RPS6KA1: variants seen among roughly 807,000 people sequenced by gnomAD.
The protein encoded by RPS6KA1 is ribosomal protein S6 kinase alpha-1.
Under a neutral mutation model 91.3 loss-of-function variants are expected in RPS6KA1, and 48 were observed. The ratio of observed to expected loss-of-function variants is 0.53; its 90% confidence interval spans 0.42 to 0.67. RPS6KA1 has a LOEUF of 0.67. Among genes scored for constraint, RPS6KA1 ranks in the 30% least tolerant of loss-of-function variants. The probability of loss-of-function intolerance (pLI) is 0.00; values close to 1 mark genes in which losing one functional copy is unlikely to be tolerated. For missense variants in RPS6KA1, 719 were observed against 960.5 expected, an observed-to-expected ratio of 0.75 and a Z score of 3.32; for synonymous variants, 359 against 384.7, an observed-to-expected ratio of 0.93 and a Z score of 0.78.
chr1:26,556,877 A>G, intron 12 of RPS6KA1, 121 bp from the exon 13 acceptor site: 1 of 1,159,798 alleles, frequency 8.6e-7, no homozygotes, highest in South Asian at 1.3e-5. Flanking sequence ...CCTGAGGGCA[A>G]GCAATTCCGA....
At chr1:26,573,973 A>C in intron 21 of RPS6KA1, 106 bp from the exon 22 acceptor site, 1 of 1,321,958 alleles carries the variant, frequency 7.6e-7, no homozygotes, top group Non-Finnish European at 1.0e-6. Context: ...AACCAAAAAA[A>C]GTGGGCTGTG....
At chr1:26,552,920 G>C in intron 6 of RPS6KA1, 1 of 337,082 alleles carries the variant, frequency 3.0e-6, no homozygotes, top group Non-Finnish European at 5.8e-6. Context: ...TTGGTTTCTT[G>C]TTTAACTTTC....
rs776491344 is a variant in RPS6KA1, at chr1:26,551,365, G to A, written c.308-32G>A. The A allele has an allele frequency of 6.3e-6, 10 of 1,599,542 alleles. No individual in the cohort carries two copies. Among genetic ancestry groups the A allele is most frequent in the Non-Finnish European group, 8.6e-7 (1 of 1,167,108 alleles). On this transcript the variant is annotated intron_variant, in intron 4 of 21. Transcript: ENST00000374168. This position sits in a 1 kb window ranked among gnomAD's most constrained non-coding sequence, Gnocchi z 4.5. ...GGGAGTGGCTGTGTTGAGTGTCTAG[G>A]CTACTGGTGACTTCCTTTCTCGTCT...
chr1:26,545,111 C>A (rs958478517), intron 2 of RPS6KA1, among the ~76,000 whole-genome samples: 1 of 151,072 alleles, frequency 6.6e-6, no homozygotes, highest in African/African-American at 2.4e-5. Flanking sequence ...ATCCTCCATC[C>A]CTGCCTGTTG....
In RPS6KA1 at chr1:26,574,057, G is replaced by C. The variant is rs200497809; in HGVS notation, c.2086-22G>C. The C allele has an allele frequency of 1.1e-4, 179 of 1,611,020 alleles. No individual in the cohort carries two copies. The highest frequency in any genetic ancestry group is 1.4e-4 in the Non-Finnish European group (170 of 1,177,820). ...GCTACATCTCCCACCATTGTGACCT[G>C]ACCTCCCCACTTCTCTTTCAGGGAG... On this transcript the variant is annotated intron_variant, in intron 21 of 21. Transcript: ENST00000374168. The surrounding 1 kb of genome is among the most constrained non-coding windows in gnomAD (Gnocchi z 4.3).
chr1:26,544,503 C>G (rs2075975019), intron 2 of RPS6KA1, among the ~76,000 whole-genome samples: 1 of 150,916 alleles, frequency 6.6e-6, no homozygotes, highest in South Asian at 2.1e-4. Context: ...GAAACGGAGT[C>G]TCACTTTGTC....
Position 26,554,788 on chromosome 1 carries a change from G to T in RPS6KA1, c.756+50G>T. The T allele has an allele frequency of 5.1e-6, 8 of 1,558,788 alleles. No homozygotes were observed. The highest frequency in any genetic ancestry group is 7.0e-6 in the Non-Finnish European group (8 of 1,146,762). On this transcript the variant is annotated intron_variant, in intron 9 of 21. Coordinates refer to ENST00000374168, the MANE Select transcript of RPS6KA1 (RefSeq NM_002953.4). The surrounding 1 kb of genome is among the most constrained non-coding windows in gnomAD (Gnocchi z 4.6). ...GATCCAGCCCAAGCCTCTGGCCTCA[G>T]TCTCCCTATCTGTACAGTGAGGGGG... is the stretch of plus-strand genomic sequence containing the variant.
chr1:26,558,743 T>C lies in RPS6KA1; in HGVS notation c.1085-64T>C. 6.5e-7 allele frequency: 1 copy of C among 1,546,450 alleles called. No homozygotes were observed. Among genetic ancestry groups the C allele is most frequent in the Non-Finnish European group, 8.8e-7 (1 of 1,137,878 alleles). ...TGGAGGCCCTGTGCTCCCCCTTTGCTGGGCTGCCTCAGGGTCGAGGGGACC... is the reference window on the plus strand; with the variant it reads ...TGGAGGCCCTGTGCTCCCCCTTTGCCGGGCTGCCTCAGGGTCGAGGGGACC... On this transcript the variant is annotated intron_variant, in intron 13 of 21. Transcript: ENST00000374168. This position sits in a 1 kb window ranked among gnomAD's most constrained non-coding sequence, Gnocchi z 4.0.
At chr1:26,572,050 C>A in intron 19 of RPS6KA1, 125 bp downstream of exon 19, 2 of 1,301,472 alleles carry the variant, frequency 1.5e-6, no homozygotes, top group Non-Finnish European at 1.1e-6. Context: ...TAGGGACATG[C>A]TCCTGCCTCC....
In RPS6KA1 at chr1:26,561,526, G is replaced by C; in HGVS notation, c.1453G>C (p.Val485Leu). ...LKDVYDDGKHVYLVTELMRGG... is the reference protein window; with the variant it reads ...LKDVYDDGKHLYLVTELMRGG... ...GCAGGTGTATGATGATGGCAAACAC[G>C]TGTACCTGGTGACAGAGCTGATGCG... Residue 485 changes from valine to leucine, a missense_variant, in exon 17 of 22, where the codon GTG (valine) becomes CTG (leucine). This residue lies in a region of RPS6KA1 where 249 missense variants were observed against 323.1 expected (regional missense o/e 0.77). Transcript: ENST00000374168. This position sits in a 1 kb window ranked among gnomAD's most constrained non-coding sequence, Gnocchi z 5.7. The C allele has an allele frequency of 1.9e-6, 3 of 1,614,144 alleles. No individual in the cohort carries two copies. The South Asian group carries it at 3.3e-5, about 18-fold the overall frequency.
chr1:26,529,998 C>T lies in RPS6KA1; in HGVS notation c.63+15C>T. 1.5e-6 allele frequency: 2 copies of T among 1,343,318 alleles called. No homozygotes were observed. Among genetic ancestry groups the T allele is most frequent in the Non-Finnish European group, 9.6e-7 (1 of 1,045,826 alleles). The allele number at this position is 1,343,318 out of a possible 1,614,324, so 83.2% of individuals were successfully genotyped here. On this transcript the variant is annotated intron_variant, in intron 1 of 21. Coordinates refer to ENST00000374168, the MANE Select transcript of RPS6KA1 (RefSeq NM_002953.4). The surrounding 1 kb of genome is among the most constrained non-coding windows in gnomAD (Gnocchi z 4.2). ...TGGACCCGGAGGTGAGTGAGCGGGG[C>T]GGGGGACGGGCGCCCGCGGCCGGCG...
rs1487274077 is a variant in RPS6KA1 at position 26,561,289 on chromosome 1, A to G, written c.1431+155A>G. Among the ~76,000 whole-genome samples the G allele has an allele frequency of 6.6e-6, 1 of 151,980 alleles. No homozygotes were observed. Among genetic ancestry groups the G allele is most frequent in the Admixed American group, 6.6e-5 (1 of 15,266 alleles). On this transcript the variant is annotated intron_variant, in intron 16 of 21. Coordinates refer to ENST00000374168, the MANE Select transcript of RPS6KA1 (RefSeq NM_002953.4). The surrounding 1 kb of genome is among the most constrained non-coding windows in gnomAD (Gnocchi z 5.7). The stretch of plus-strand genomic sequence containing the variant: ...GTCCCTTCAGTCTGCCCATACCCCA[A>G]GGGCCCTCCTTCAGACTCAGACATT...
At chr1:26,533,852 G>A (rs1185008539) in intron 1 of RPS6KA1, among the ~76,000 whole-genome samples, 1 of 152,104 alleles carries the variant, frequency 6.6e-6, no homozygotes, top group Non-Finnish European at 1.5e-5. Flanking sequence ...AGGCCAGAGG[G>A]GCAGATGACC....
At chr1:26,546,703 G>A (rs549852645) in intron 2 of RPS6KA1, among the ~76,000 whole-genome samples, 164 bp from the exon 3 acceptor site, 3 of 152,320 alleles carry the variant, frequency 2.0e-5, no homozygotes, top group South Asian at 4.1e-4. Context: ...AGACTTTGAG[G>A]CTCTTTTGAA....
At chr1:26,564,636 C>T (rs2076183455) in intron 17 of RPS6KA1, among the ~76,000 whole-genome samples, 1 of 152,160 alleles carries the variant, frequency 6.6e-6, no homozygotes, top group African/African-American at 2.4e-5. Flanking sequence ...ATGGTTTCAT[C>T]CTTTCAGAAT....
Position 26,547,110 on chromosome 1 carries a change from G to T in RPS6KA1, c.226-79G>T, listed in dbSNP as rs1311498058. ...CCAGGGAGAGCAAAAAGGTCAGCTT[G>T]GGGCTCAGAGAAGATAGAGGTCAGC... On this transcript the variant is annotated intron_variant, in intron 3 of 21. Coordinates refer to ENST00000374168, the MANE Select transcript of RPS6KA1 (RefSeq NM_002953.4). This position sits in a 1 kb window ranked among gnomAD's most constrained non-coding sequence, Gnocchi z 4.1. 11 of 1,560,886 alleles carry T rather than the reference G, an allele frequency of 7.0e-6. No homozygotes were observed. Among genetic ancestry groups the T allele is most frequent in the Non-Finnish European group, 9.7e-6 (11 of 1,132,988 alleles).
In RPS6KA1 at chr1:26,558,932, G is replaced by A. The variant is rs758764453; in HGVS notation, c.1210G>A (p.Val404Ile). 4 of 1,611,486 alleles carry A rather than the reference G, an allele frequency of 2.5e-6. No individual in the cohort carries two copies. The highest frequency in any genetic ancestry group is 3.4e-6 in the Non-Finnish European group (4 of 1,178,080). Reference sequence around the variant, plus strand: ...CCCGCAGGCACCCCTGCACTCGGTGGTACAGGTGAGGGGGGCAGGGGGCTG... The same window carrying A: ...CCCGCAGGCACCCCTGCACTCGGTGATACAGGTGAGGGGGGCAGGGGGCTG... The part of the protein sequence containing the change: ...RAPQAPLHSV[V>I]QQLHGKNLVF... Residue 404 changes from valine to isoleucine, a missense_variant, in exon 14 of 22, where the codon GTA becomes ATA. By Grantham distance (29) the Val-to-Ile change is conservative. Coordinates refer to ENST00000374168, the MANE Select transcript of RPS6KA1 (RefSeq NM_002953.4). The surrounding 1 kb of genome is among the most constrained non-coding windows in gnomAD (Gnocchi z 4.0).
At position 26,566,781 on chromosome 1, in the gene RPS6KA1, C is replaced by T. The variant is rs554330772; in HGVS notation, c.1591-4668C>T. Among the ~76,000 whole-genome samples the T allele has an allele frequency of 2.6e-4, 40 of 152,212 alleles. 1 individual carries two copies. The South Asian group carries it at 7.7e-3, about 29-fold the overall frequency. The stretch of plus-strand genomic sequence containing the variant: ...TTTAATATGTGGAGTCTTCTTAAGT[C>T]GCCAGGCTCCCTCTGTGTTGTTTCT... On this transcript the variant is annotated intron_variant, in intron 17 of 21. Coordinates refer to ENST00000374168, the MANE Select transcript of RPS6KA1 (RefSeq NM_002953.4).
chr1:26,558,623 G>A lies in RPS6KA1; in HGVS notation c.1085-184G>A, dbSNP rs2076126088. Among the ~76,000 whole-genome samples the A allele has an allele frequency of 6.6e-6, 1 of 152,206 alleles. No homozygotes were observed. The highest frequency in any genetic ancestry group is 2.4e-5 in the African/African-American group (1 of 41,444). Reference sequence around the variant, plus strand: ...TTTGTTCCTCATGCGACAGGACTGGGCTGGTCTAATAAACACATATGAGCA... The same window carrying A: ...TTTGTTCCTCATGCGACAGGACTGGACTGGTCTAATAAACACATATGAGCA... On this transcript the variant is annotated intron_variant, in intron 13 of 21. Transcript: ENST00000374168. The surrounding 1 kb of genome is among the most constrained non-coding windows in gnomAD (Gnocchi z 4.0).
Sources: allele counts gnomAD v4.1 joint callset (sites outside exome capture counted in the v4.1 genomes callset), GRCh38; gene constraint gnomAD v4.1.1; regional missense constraint gnomAD v4.1.1; non-coding constraint Gnocchi (gnomAD v3.1); transcripts MANE v1.5; gene names NCBI Gene and HGNC (gene_info 2026-07-23, HGNC 2026-07-21).